CLN6: variants seen among roughly 807,000 people sequenced by gnomAD.
CLN6 encodes CLN6 transmembrane ER protein, also known as ceroid-lipofuscinosis neuronal protein 6.
In CLN6, 22 loss-of-function variants were observed where a neutral mutation model predicts 33.3. The observed-to-expected ratio is 0.66, with a 90% confidence interval of 0.47 to 0.94. The LOEUF (loss-of-function observed/expected upper bound fraction) is 0.94. Among genes scored for constraint, CLN6 ranks in the 40% least tolerant of loss-of-function variants. The probability of loss-of-function intolerance (pLI) is 0.00; values close to 1 mark genes in which losing one functional copy is unlikely to be tolerated. For missense variants in CLN6, 387 were observed against 417.1 expected (o/e 0.93, Z 0.63); for synonymous variants, 201 against 174.6 (o/e 1.15, Z -1.19).
At position 68,211,315 on chromosome 15, in the gene CLN6, C is replaced by T. The variant is rs779685727; in HGVS notation, c.490G>A (p.Asp164Asn). 8 of 1,613,926 alleles carry T rather than the reference C, an allele frequency of 5.0e-6. No individual in the cohort carries two copies. Among genetic ancestry groups the T allele is most frequent in the Non-Finnish European group, 5.1e-6 (6 of 1,179,982 alleles). ...TAATAGTAGAGCAGCTCAAAGGAGT[C>T]GATCTGAGGGAGGAACGGGCAGGGC... ...IKNLKPETLI[D>N]SFELLYYYDE... Residue 164 changes from aspartate to asparagine, a missense_variant, in exon 5 of 7, where the codon GAC (aspartate) becomes AAC (asparagine). Asp to Asn is a conservative substitution (Grantham distance 23). Transcript: ENST00000249806. This position sits in a 1 kb window ranked among gnomAD's most constrained non-coding sequence, Gnocchi z 5.9.
In CLN6 at chr15:68,208,312, A is replaced by AG; in HGVS notation, c.763dup (p.Leu255ProfsTer29). 1 of 1,614,170 alleles carries AG rather than the reference A, an allele frequency of 6.2e-7. No homozygotes were observed. The highest frequency in any genetic ancestry group is 2.2e-5 in the East Asian group (1 of 44,874). On this transcript the variant is annotated frameshift_variant, in exon 7 of 7. Coordinates refer to ENST00000249806, the MANE Select transcript of CLN6 (RefSeq NM_017882.3). LOFTEE classifies it high-confidence loss of function. The surrounding 1 kb of genome is among the most constrained non-coding windows in gnomAD (Gnocchi z 5.8). Reference sequence around the variant, plus strand: ...GAAGAGGAAGAGGCCGTTGCTGTCCAGGAAGAGGCGCTTGCGCTTCTGGTG... The same window carrying AG: ...GAAGAGGAAGAGGCCGTTGCTGTCCAGGGAAGAGGCGCTTGCGCTTCTGGTG...
chr15:68,230,267 C>A (rs774493177), upstream of CLN6, among the ~76,000 whole-genome samples: 58 of 151,988 alleles, frequency 3.8e-4, no homozygotes, highest in Non-Finnish European at 7.8e-4. The surrounding 1 kb of genome is among the most constrained non-coding windows in gnomAD (Gnocchi z 4.0). Flanking sequence ...AGGCAGTGGC[C>A]GGATTCTGCC....
At chr15:68,229,733 GGCTGCGGA>G, upstream of CLN6, 5 of 499,012 alleles carry the variant, frequency 1.0e-5, no homozygotes, top group Non-Finnish European at 1.6e-5. Flanking sequence ...GAACAGGCGG[GGCTGCGGA>G]CCCGGGGCGG....
chr15:68,219,142 C>A lies in CLN6; in HGVS notation c.84-492G>T, dbSNP rs1307378508. On this transcript the variant is annotated intron_variant, in intron 1 of 6. Coordinates refer to ENST00000249806, the MANE Select transcript of CLN6 (RefSeq NM_017882.3). The surrounding 1 kb of genome is among the most constrained non-coding windows in gnomAD (Gnocchi z 4.2). ...CGAAAAAACTGAGGCCCAAGAGGCT[C>A]AATAACTTGCTCAAGGTCACACAGC... is the stretch of plus-strand genomic sequence containing the variant. Among the ~76,000 whole-genome samples, 1 of 152,160 alleles carries A rather than the reference C, an allele frequency of 6.6e-6. No individual in the cohort carries two copies. The highest frequency in any genetic ancestry group is 1.5e-5 in the Non-Finnish European group (1 of 68,028).
rs2093259539 is a variant in CLN6, at chr15:68,228,876, G to A, written c.83+626C>T. Among the ~76,000 whole-genome samples the A allele has an allele frequency of 6.6e-6, 1 of 152,176 alleles. No homozygotes were observed. The highest frequency in any genetic ancestry group is 1.5e-5 in the Non-Finnish European group (1 of 68,034). ...AGTGAATGTTTCTGGTCAGTAAAAC[G>A]GGACGAAGGTAGAATGGAGCTCTGC... is the stretch of plus-strand genomic sequence containing the variant. On this transcript the variant is annotated intron_variant, in intron 1 of 6. Transcript: ENST00000249806. The surrounding 1 kb of genome is among the most constrained non-coding windows in gnomAD (Gnocchi z 4.4).
chr15:68,214,017 A>G, intron 3 of CLN6: 1 of 411,620 alleles, frequency 2.4e-6, no homozygotes, highest in South Asian at 2.2e-5. Flanking sequence ...AGGTCCTTCT[A>G]CCTGAACACC....
rs1288274451 is a variant in CLN6, at chr15:68,210,979, C to T, written c.542+284G>A. On this transcript the variant is annotated intron_variant, in intron 5 of 6. Coordinates refer to ENST00000249806, the MANE Select transcript of CLN6 (RefSeq NM_017882.3). This position sits in a 1 kb window ranked among gnomAD's most constrained non-coding sequence, Gnocchi z 5.6. ...AGGAAGGACCAAAGCCACTCGCTGC[C>T]CTCTGCTGGCCACAGCGGGCACTGA... Among the ~76,000 whole-genome samples, 1 of 152,204 alleles carries T rather than the reference C, an allele frequency of 6.6e-6. No homozygotes were observed. The highest frequency in any genetic ancestry group is 6.5e-5 in the Admixed American group (1 of 15,288).
At chr15:68,212,033 G>A (rs1025918630) in intron 3 of CLN6, 170 bp from the exon 4 acceptor site, 6 of 657,620 alleles carry the variant, frequency 9.1e-6, no homozygotes, top group African/African-American at 9.0e-5. Flanking sequence ...ATCCTCCCGT[G>A]ACCCCTATGA....
chr15:68,218,863 C>G (rs1420405349), intron 1 of CLN6, among the ~76,000 whole-genome samples: 1 of 152,142 alleles, frequency 6.6e-6, no homozygotes, highest in Non-Finnish European at 1.5e-5. Flanking sequence ...TAGCTTCTCT[C>G]TGATTCAGGA....
chr15:68,208,797 C>T lies in CLN6; in HGVS notation c.666-387G>A, dbSNP rs1160300699. ...TGCCGGGGTAAGAACCAGCAGGAAGCGCTCCCCTAACGTCTTTCCCGCTCA... is the reference window on the plus strand; with the variant it reads ...TGCCGGGGTAAGAACCAGCAGGAAGTGCTCCCCTAACGTCTTTCCCGCTCA... On this transcript the variant is annotated intron_variant, in intron 6 of 6. Transcript: ENST00000249806. This position sits in a 1 kb window ranked among gnomAD's most constrained non-coding sequence, Gnocchi z 5.8. Among the ~76,000 whole-genome samples the T allele has an allele frequency of 2.0e-5, 3 of 152,222 alleles. No individual in the cohort carries two copies. The highest frequency in any genetic ancestry group is 2.1e-4 in the South Asian group (1 of 4,834).
intron 1 of CLN6, among the ~76,000 whole-genome samples, chr15:68,243,458 T>A (rs1350865736): frequency 1.3e-5 from 2 of 152,164 alleles, no homozygotes; most frequent in Admixed American, 6.5e-5. Flanking sequence ...AAATTTTATT[T>A]AAAAAACTAG....
At position 68,247,846 on chromosome 15, in the gene CLN6, T is replaced by C. The variant is rs1171119212; in HGVS notation, c.179+8844A>G. Among the ~76,000 whole-genome samples the C allele has an allele frequency of 6.6e-6, 1 of 151,960 alleles. No homozygotes were observed. The highest frequency in any genetic ancestry group is 1.5e-5 in the Non-Finnish European group (1 of 67,982). ...GAGTTCAAAACCAGCCCAGCCAACA[T>C]GGCAAAACCCCATCTCTACTAAAAA... On this transcript the variant is annotated intron_variant, in intron 1 of 6. Coordinates refer to the CLN6 transcript ENST00000538696. The surrounding 1 kb of genome is among the most constrained non-coding windows in gnomAD (Gnocchi z 4.2).
At chr15:68,232,839 C>T (rs1218956745), upstream of CLN6, among the ~76,000 whole-genome samples, 1 of 152,146 alleles carries the variant, frequency 6.6e-6, no homozygotes, top group Non-Finnish European at 1.5e-5. The surrounding 1 kb of genome is among the most constrained non-coding windows in gnomAD (Gnocchi z 4.7). Context: ...GTCAGGAGTT[C>T]AAGACCAGCC....
Position 68,234,941 on chromosome 15 carries a change from C to T in CLN6, c.180-16291G>A, listed in dbSNP as rs7166630. ...CTGAGGCAGGAGAATTGCTTGAACC[C>T]GGGAGACGGAAGTTGCAGTGAGCCA... On this transcript the variant is annotated intron_variant, in intron 1 of 6. Transcript: ENST00000538696. This position sits in a 1 kb window ranked among gnomAD's most constrained non-coding sequence, Gnocchi z 4.1. Among the ~76,000 whole-genome samples the T allele has an allele frequency of 0.055, 8,384 of 152,174 alleles. 749 individuals carry two copies. Among genetic ancestry groups the T allele is most frequent in the African/African-American group, 0.19 (7,797 of 41,472 alleles).
rs2093207824 is a variant in CLN6, at chr15:68,212,125, A to G, written c.298-262T>C. ...GACCAGAGGGCCCAACTCCTTTCCC[A>G]AAGTCACACATGAGCTGTAGGCTGG... On this transcript the variant is annotated intron_variant, in intron 3 of 6. Transcript: ENST00000249806. 3 of 517,172 alleles carry G rather than the reference A, an allele frequency of 5.8e-6. No individual in the cohort carries two copies. In the South Asian group the frequency reaches 6.2e-5, roughly 11 times the overall value. 32.0% of individuals were successfully genotyped at this position (517,172 alleles called of 1,614,324 possible). A position where few individuals can be genotyped will look rare whatever the true frequency, so the allele number is the denominator to read the frequency against.
chr15:68,237,327 AAAATT>A (rs1219697976), intron 1 of CLN6, among the ~76,000 whole-genome samples: 2 of 151,898 alleles, frequency 1.3e-5, no homozygotes, highest in African/African-American at 4.8e-5. Flanking sequence ...CAAAAAAAAA[AAAATT>A]AAAAAATTAG....
chr15:68,211,970 A>G lies in CLN6; in HGVS notation c.298-107T>C. The G allele has an allele frequency of 8.5e-7, 1 of 1,182,042 alleles. No homozygotes were observed. 73.2% of individuals were successfully genotyped at this position (1,182,042 alleles called of 1,614,324 possible). On this transcript the variant is annotated intron_variant, in intron 3 of 6. Transcript: ENST00000249806. The surrounding 1 kb of genome is among the most constrained non-coding windows in gnomAD (Gnocchi z 5.9). ...GGGTGGGATGGACGCTTCCAGCTGG[A>G]ATGTCACTCCAAAAAGTGGCTGGTC...
chr15:68,209,578 T>A lies in CLN6; in HGVS notation c.665+59A>T. 6.2e-7 allele frequency: 1 copy of A among 1,604,724 alleles called. No individual in the cohort carries two copies. Among genetic ancestry groups the A allele is most frequent in the South Asian group, 1.1e-5 (1 of 90,650 alleles). On this transcript the variant is annotated intron_variant, in intron 6 of 6. Transcript: ENST00000249806. This position sits in a 1 kb window ranked among gnomAD's most constrained non-coding sequence, Gnocchi z 4.9. ...GCAGGTCCATTGGCAAGTGCAGAAT[T>A]TTGCTGCCGTGGCTCTCTCAGTGCC...
At chr15:68,248,690 G>A (rs1362091528) in intron 1 of CLN6, among the ~76,000 whole-genome samples, 2 of 150,636 alleles carry the variant, frequency 1.3e-5, no homozygotes, top group Admixed American at 6.6e-5. Flanking sequence ...CTAAAACTAC[G>A]AAACCACTAG....
Sources: allele counts gnomAD v4.1 joint callset (sites outside exome capture counted in the v4.1 genomes callset), GRCh38; gene constraint gnomAD v4.1.1; non-coding constraint Gnocchi (gnomAD v3.1); transcripts MANE v1.5; gene names NCBI Gene and HGNC (gene_info 2026-07-23, HGNC 2026-07-21).